Variants in GALK2 observed in about 807,000 individuals in gnomAD.
GALK2 encodes N-acetylgalactosamine kinase.
Under a neutral mutation model 52.4 loss-of-function variants are expected in GALK2, and 36 were observed. The observed-to-expected ratio is 0.69, with a 90% CI of 0.53 to 0.91. The LOEUF is 0.91. Among genes scored for constraint, GALK2 ranks in the 40% least tolerant of loss-of-function variants. The probability of loss-of-function intolerance (pLI) is 0.00; values close to 1 mark genes in which losing one functional copy is unlikely to be tolerated. For synonymous variants in GALK2, 176 were observed against 199.1 expected, an observed-to-expected ratio of 0.88 and a Z score of 0.98; for missense variants, 579 against 559.1, an observed-to-expected ratio of 1.04 and a Z score of -0.36.
intron 2 of GALK2, among the ~76,000 whole-genome samples, chr15:49,212,067 A>G (rs191731619): frequency 3.9e-5 from 6 of 152,128 alleles, no homozygotes; most frequent in African/African-American, 1.4e-4. Flanking sequence ...ATCTGACTTT[A>G]TTTATTTGAA....
intron 4 of GALK2, 127 bp from the exon 5 acceptor site, chr15:49,239,094 A>G (rs756679515): frequency 2.2e-5 from 16 of 714,476 alleles, no homozygotes; most frequent in Non-Finnish European, 3.3e-5. Context: ...ATTGAATTGC[A>G]TAAGTAGTTT....
intron 3 of GALK2, among the ~76,000 whole-genome samples, chr15:49,364,411 T>C (rs2044759894): frequency 6.6e-6 from 1 of 152,192 alleles, no homozygotes; most frequent in Non-Finnish European, 1.5e-5. Context: ...GAGATGTTCA[T>C]AGTAGTCTTG....
chr15:49,197,364 A>G (rs905594022), intron 1 of GALK2, among the ~76,000 whole-genome samples: 1 of 152,172 alleles, frequency 6.6e-6, no homozygotes, highest in African/African-American at 2.4e-5. Context: ...AATGTGACTA[A>G]TATGTTTGAT....
upstream of GALK2, among the ~76,000 whole-genome samples, chr15:49,168,040 C>CT (rs1373662300): frequency 3.8e-4 from 58 of 152,310 alleles, no homozygotes; most frequent in African/African-American, 1.4e-3. Flanking sequence ...AGTATGGCCT[C>CT]TAGGCTAGGA....
intron 3 of GALK2, chr15:49,365,443 A>G (rs1160773595): frequency 4.3e-6 from 4 of 930,490 alleles, no homozygotes; most frequent in Non-Finnish European, 7.2e-6. Flanking sequence ...GGCCTGTACA[A>G]TAATGTCTCC....
At chr15:49,225,336 C>A in intron 3 of GALK2, 1 of 424,862 alleles carries the variant, frequency 2.4e-6, no homozygotes, top group Non-Finnish European at 4.7e-6. Flanking sequence ...CAGAAGTGGG[C>A]CACACAGCAG....
At chr15:49,170,236 C>G, upstream of GALK2, 1 of 1,535,880 alleles carries the variant, frequency 6.5e-7, no homozygotes, top group South Asian at 1.2e-5. Flanking sequence ...CGGAAGAAAA[C>G]GGCTCCTGTC....
intron 4 of GALK2, among the ~76,000 whole-genome samples, chr15:49,238,859 A>G (rs1158601279): frequency 1.3e-5 from 2 of 152,198 alleles, no homozygotes; most frequent in African/African-American, 4.8e-5. Flanking sequence ...TTGTCCTGCT[A>G]CTTGACAAAT....
chr15:49,204,844 C>T (rs140967561), intron 2 of GALK2, among the ~76,000 whole-genome samples: 13 of 152,206 alleles, frequency 8.5e-5, no homozygotes, highest in East Asian at 1.9e-4. Context: ...TTCTATCCCG[C>T]GCTCCCCTCC....
At chr15:49,178,462 C>G (rs1460355461) in intron 1 of GALK2, 4 of 270,574 alleles carry the variant, frequency 1.5e-5, no homozygotes, top group Non-Finnish European at 2.9e-5. Context: ...TTCAAGCATA[C>G]TTTAGCTGGT....
At chr15:49,296,586 A>G (rs1206953204) in intron 8 of GALK2, among the ~76,000 whole-genome samples, 6 of 140,398 alleles carry the variant, frequency 4.3e-5, no homozygotes, top group African/African-American at 1.6e-4. Context: ...GTGAATATAT[A>G]AGTGCATGTG....
At chr15:49,256,391 T>A (rs1289826495) in intron 5 of GALK2, among the ~76,000 whole-genome samples, 4 of 152,216 alleles carry the variant, frequency 2.6e-5, no homozygotes, top group African/African-American at 9.6e-5. Flanking sequence ...GCCTTTCATG[T>A]GCATGCTTTC....
At chr15:49,357,866 G>T (rs900053452) in intron 3 of GALK2, among the ~76,000 whole-genome samples, 8 of 151,932 alleles carry the variant, frequency 5.3e-5, no homozygotes, top group African/African-American at 1.7e-4. Context: ...AAATCCAGCA[G>T]CCCATCAAAA....
upstream of GALK2, chr15:49,170,096 C>A: frequency 1.0e-6 from 1 of 964,692 alleles, no homozygotes; most frequent in Non-Finnish European, 1.5e-6. Context: ...AGGACGGAGG[C>A]TGTACCTGAC....
intron 3 of GALK2, among the ~76,000 whole-genome samples, chr15:49,341,158 T>A (rs2040669608): frequency 6.6e-6 from 1 of 152,230 alleles, no homozygotes; most frequent in Admixed American, 6.5e-5. Context: ...GCTGTTTGGG[T>A]TACTGTAGCC....
upstream of GALK2, among the ~76,000 whole-genome samples, chr15:49,166,565 A>T (rs2084829580): frequency 6.6e-6 from 1 of 151,948 alleles, no homozygotes; most frequent in African/African-American, 2.4e-5. Context: ...CTAAAAATAC[A>T]AAAATTAAGT....
intron 1 of GALK2, among the ~76,000 whole-genome samples, chr15:49,162,188 A>C (rs952634530): frequency 2.0e-5 from 3 of 152,124 alleles, no homozygotes; most frequent in African/African-American, 7.2e-5. Flanking sequence ...ACTTTTTGTC[A>C]CTATAGATTA....
At position 49,253,136 on chromosome 15, in the gene GALK2, A is replaced by G. The variant is rs1014508509; in HGVS notation, c.504+13769A>G. Among the ~76,000 whole-genome samples the G allele has an allele frequency of 2.5e-4, 36 of 145,112 alleles. 4 individuals are homozygous for G. The highest frequency in any genetic ancestry group is 4.8e-4 in the Non-Finnish European group (31 of 64,590). On this transcript the variant is annotated intron_variant, in intron 5 of 9. Coordinates refer to ENST00000560031, the MANE Select transcript of GALK2 (RefSeq NM_002044.4). ...TTTAAACTAACAATTGTGAAGCAAA[A>G]GTCACTTTAGTCATATTTAATCACA...
chr15:49,220,699 C>T (rs185859985), intron 3 of GALK2, among the ~76,000 whole-genome samples: 2 of 152,284 alleles, frequency 1.3e-5, no homozygotes, highest in Non-Finnish European at 2.9e-5. Flanking sequence ...TTCTCACCAA[C>T]AGTGTATAAG....
Sources: allele counts gnomAD v4.1 joint callset (sites outside exome capture counted in the v4.1 genomes callset), GRCh38; gene constraint gnomAD v4.1.1; transcripts MANE v1.5; gene names NCBI Gene and HGNC (gene_info 2026-07-23, HGNC 2026-07-21).